The following MS4A13 variants were observed in gnomAD, a reference collection of about 807,000 sequenced individuals.
MS4A13 encodes the protein membrane-spanning 4-domains subfamily A member 13.
Under a neutral mutation model 18.4 loss-of-function variants are expected in MS4A13, and 21 were observed. That is an observed-to-expected ratio of 1.14 (90% CI 0.81 to 1.64). The LOEUF is 1.64. MS4A13 is among the 40% of genes most tolerant of loss of function. The probability of loss-of-function intolerance (pLI) is 0.00; values close to 1 mark genes in which losing one functional copy is unlikely to be tolerated. For missense variants in MS4A13, 173 were observed against 176.8 expected (o/e 0.98, Z 0.12); for synonymous variants, 62 against 57.2 (o/e 1.08, Z -0.38).
At chr11:60,520,320 T>G (rs1356325750) in intron 3 of MS4A13, among the ~76,000 whole-genome samples, 1 of 151,962 alleles carries the variant, frequency 6.6e-6, no homozygotes, top group South Asian at 2.1e-4. Context: ...TTCCCAACTG[T>G]CCCCCAAAGT....
intron 3 of MS4A13, among the ~76,000 whole-genome samples, chr11:60,523,351 G>T (rs531320901): frequency 1.3e-5 from 2 of 152,260 alleles, no homozygotes; most frequent in African/African-American, 2.4e-5. Context: ...CAGACTTCCT[G>T]ACATGAAATA....
intron 4 of MS4A13, among the ~76,000 whole-genome samples, chr11:60,524,920 A>T (rs2086702990): frequency 6.6e-6 from 1 of 152,142 alleles, no homozygotes; most frequent in East Asian, 1.9e-4. Flanking sequence ...TCGGCCTCCC[A>T]AAGTGCTGGG....
chr11:60,516,306 G>A (rs966138786), intron 2 of MS4A13, among the ~76,000 whole-genome samples: 3 of 151,912 alleles, frequency 2.0e-5, no homozygotes, highest in Admixed American at 6.6e-5. Flanking sequence ...CAGGATAATA[G>A]AGAAATCCAA....
chr11:60,524,446 C>T (rs2086698767), intron 4 of MS4A13, among the ~76,000 whole-genome samples: 1 of 152,028 alleles, frequency 6.6e-6, no homozygotes, highest in South Asian at 2.1e-4. Flanking sequence ...AATTAGTCTG[C>T]CCTCATAATT....
intron 3 of MS4A13, among the ~76,000 whole-genome samples, chr11:60,519,942 A>G (rs1349647423): frequency 1.3e-5 from 2 of 152,214 alleles, no homozygotes; most frequent in Admixed American, 6.5e-5. Context: ...AATACTTGAA[A>G]TTAAGATTTG....
intron 6 of MS4A13, among the ~76,000 whole-genome samples, chr11:60,536,484 C>A (rs1324407182): frequency 2.6e-5 from 1 of 38,956 alleles, no homozygotes; most frequent in Non-Finnish European, 5.3e-5. Flanking sequence ...TGAAGGACCT[C>A]TTCAAGGAGA....
chr11:60,543,249 C>T (rs2086874775), downstream of MS4A13, among the ~76,000 whole-genome samples: 1 of 152,138 alleles, frequency 6.6e-6, no homozygotes, highest in Non-Finnish European at 1.5e-5. Flanking sequence ...TCAATTCACC[C>T]TCTCTTCTAA....
chr11:60,524,406 T>C (rs763070065), intron 4 of MS4A13, among the ~76,000 whole-genome samples: 2 of 152,152 alleles, frequency 1.3e-5, no homozygotes, highest in African/African-American at 2.4e-5. Context: ...AAGAACACTT[T>C]AGAATCTTAG....
intron 3 of MS4A13, among the ~76,000 whole-genome samples, chr11:60,522,382 G>C (rs2086683441): frequency 6.6e-6 from 1 of 151,968 alleles, no homozygotes; most frequent in Non-Finnish European, 1.5e-5. Flanking sequence ...GAATGGCCAA[G>C]GGGTCAATAG....
chr11:60,530,398 TCAA>T (rs900033976), intron 6 of MS4A13, among the ~76,000 whole-genome samples: 12 of 152,184 alleles, frequency 7.9e-5, no homozygotes, highest in African/African-American at 2.9e-4. Context: ...ACTACTATGA[TCAA>T]CAACTGATTG....
chr11:60,520,724 C>G (rs2086668360), intron 3 of MS4A13, among the ~76,000 whole-genome samples: 1 of 152,198 alleles, frequency 6.6e-6, no homozygotes. Context: ...GCAGCTTTTC[C>G]AGGCACACGG....
chr11:60,523,780 A>G (rs2086693567), intron 3 of MS4A13, 117 bp from the exon 4 acceptor site: 3 of 648,494 alleles, frequency 4.6e-6, no homozygotes, highest in South Asian at 1.8e-5. Context: ...AAACTTCTGT[A>G]TATTTTGTTA....
At chr11:60,532,605 G>A (rs1318764236) in intron 6 of MS4A13, among the ~76,000 whole-genome samples, 2 of 152,088 alleles carry the variant, frequency 1.3e-5, no homozygotes, top group African/African-American at 2.4e-5. Flanking sequence ...AGGGGCGCCC[G>A]CCATTGCGCA....
chr11:60,525,309 A>G lies in MS4A13; in HGVS notation c.289A>G (p.Arg97Gly), dbSNP rs1157739808. Reference protein sequence around the residue: ...ELSHFNSVSYRNYGQAKLGRE... With the variant: ...ELSHFNSVSYGNYGQAKLGRE... ...GTCTCATTTTAATTCTGTGTCATAC[A>G]GGAATTATGGACAAGCAGTAAGTGA... The change falls in exon 5 of 7, where the codon AGG becomes GGG. Residue 97 changes from arginine to glycine, a missense_variant. Transcript: ENST00000378186. 2.5e-6 allele frequency: 4 copies of G among 1,586,980 alleles called. No homozygotes were observed. Among genetic ancestry groups the G allele is most frequent in the African/African-American group, 1.3e-5 (1 of 74,220 alleles).
At chr11:60,520,728 C>T (rs1430707646) in intron 3 of MS4A13, among the ~76,000 whole-genome samples, 1 of 152,202 alleles carries the variant, frequency 6.6e-6, no homozygotes, top group Non-Finnish European at 1.5e-5. Context: ...CTTTTCCAGG[C>T]ACACGGTGCA....
At chr11:60,527,228 A>G (rs2086719228) in intron 5 of MS4A13, among the ~76,000 whole-genome samples, 1 of 152,120 alleles carries the variant, frequency 6.6e-6, no homozygotes, top group African/African-American at 2.4e-5. Flanking sequence ...GTATTTATTA[A>G]TTAGGGTTAT....
At chr11:60,531,719 T>G (rs1312263260) in intron 6 of MS4A13, among the ~76,000 whole-genome samples, 1 of 152,254 alleles carries the variant, frequency 6.6e-6, no homozygotes, top group Non-Finnish European at 1.5e-5. Context: ...CATCTCTCTT[T>G]GGCTTTCACT....
At chr11:60,527,357 A>T (rs1273802580) in intron 5 of MS4A13, among the ~76,000 whole-genome samples, 3 of 52,932 alleles carry the variant, frequency 5.7e-5, no homozygotes, top group African/African-American at 6.0e-5. Flanking sequence ...GAACTCATTC[A>T]TTCCGTCTCT....
chr11:60,524,217 G>A (rs552465185), intron 4 of MS4A13, among the ~76,000 whole-genome samples: 1 of 152,196 alleles, frequency 6.6e-6, no homozygotes, highest in Admixed American at 6.5e-5. Context: ...TTAACATTGT[G>A]TAAACTTTAT....
Sources: allele counts gnomAD v4.1 joint callset (sites outside exome capture counted in the v4.1 genomes callset), GRCh38; gene constraint gnomAD v4.1.1; transcripts MANE v1.5; gene names NCBI Gene and HGNC (gene_info 2026-07-23, HGNC 2026-07-21).